Variants in GFRA2 observed in about 807,000 individuals in gnomAD.
The protein encoded by GFRA2 is GDNF family receptor alpha-2.
In GFRA2, 17 loss-of-function variants were observed where a neutral mutation model predicts 48.3. That is an observed-to-expected ratio of 0.35 (90% CI 0.24 to 0.53). GFRA2 has a LOEUF of 0.53. GFRA2 is among the 20% of genes least tolerant of loss of function. The pLI is 0.93. For missense variants in GFRA2, 660 were observed against 637.3 expected (o/e 1.04, Z -0.38); for synonymous variants, 305 against 257.2 (o/e 1.19, Z -1.78).
upstream of GFRA2, among the ~76,000 whole-genome samples, chr8:21,790,976 C>T (rs1399522298): frequency 2.6e-5 from 4 of 152,108 alleles, no homozygotes; most frequent in African/African-American, 7.2e-5. Context: ...CTCATCTCCT[C>T]GACTTCCAGG....
intron 6 of GFRA2, among the ~76,000 whole-genome samples, chr8:21,703,725 C>T (rs1023315824): frequency 6.6e-5 from 10 of 152,170 alleles, no homozygotes; most frequent in Non-Finnish European, 1.5e-4. Context: ...ACTGGCAGCC[C>T]GCTGAGCTCA....
At chr8:21,811,705 C>T (rs1012530251) in intron 1 of GFRA2, among the ~76,000 whole-genome samples, 1 of 152,142 alleles carries the variant, frequency 6.6e-6, no homozygotes, top group Non-Finnish European at 1.5e-5. Context: ...ATAGCTTCCC[C>T]TGCAAGTGAA....
At chr8:21,800,645 C>A (rs920704656) in intron 2 of GFRA2, among the ~76,000 whole-genome samples, 1 of 152,206 alleles carries the variant, frequency 6.6e-6, no homozygotes, top group African/African-American at 2.4e-5. Flanking sequence ...CAACAGGGGG[C>A]CAGCCATGGT....
intron 4 of GFRA2, among the ~76,000 whole-genome samples, chr8:21,717,850 G>A (rs896927179): frequency 6.6e-6 from 1 of 152,192 alleles, no homozygotes; most frequent in Non-Finnish European, 1.5e-5. Context: ...GCTGCTAGAA[G>A]TAGAAATCTT....
chr8:21,719,883 G>A (rs1397744120), intron 4 of GFRA2, among the ~76,000 whole-genome samples: 2 of 152,064 alleles, frequency 1.3e-5, no homozygotes, highest in South Asian at 4.2e-4. Context: ...TCCTAGACCA[G>A]TAATTTGTCC....
intron 3 of GFRA2, among the ~76,000 whole-genome samples, chr8:21,753,194 C>T (rs1805382588): frequency 6.6e-6 from 1 of 152,222 alleles, no homozygotes; most frequent in African/African-American, 2.4e-5. Context: ...ACAATTTGTG[C>T]TTTCTGAAAT....
rs1366503392 is a variant in GFRA2, at chr8:21,788,728, A to G, written c.-569T>C. 2.0e-6 allele frequency: 2 copies of G among 985,402 alleles called. No individual in the cohort carries two copies. The highest frequency in any genetic ancestry group is 3.5e-5 in the African/African-American group (2 of 57,242). 61.0% of individuals were successfully genotyped at this position (985,402 alleles called of 1,614,324 possible). A position where few individuals can be genotyped will look rare whatever the true frequency, so the allele number is the denominator to read the frequency against. On this transcript the variant is annotated 5_prime_UTR_variant, in exon 1 of 9. Transcript: ENST00000524240. ...CCAAGACGAAGACAAGATTCAAAAAAATCTTCTCCCGCTAACCCTTGCTCG... is the reference window on the plus strand; with the variant it reads ...CCAAGACGAAGACAAGATTCAAAAAGATCTTCTCCCGCTAACCCTTGCTCG...
At chr8:21,739,464 G>C (rs751174900) in intron 4 of GFRA2, among the ~76,000 whole-genome samples, 18 of 152,134 alleles carry the variant, frequency 1.2e-4, no homozygotes, top group Non-Finnish European at 2.4e-4. Context: ...CCTAATCCAG[G>C]ACCCCTTCCC....
In GFRA2 at chr8:21,788,421, T is replaced by C. The variant is rs2117095062; in HGVS notation, c.-262A>G. Reference sequence around the variant, plus strand: ...ACAATCAAATATACGCGTATCTGTGTATCGGCTTTCTAAGCCAACAGCCCA... The same window carrying C: ...ACAATCAAATATACGCGTATCTGTGCATCGGCTTTCTAAGCCAACAGCCCA... On this transcript the variant is annotated 5_prime_UTR_variant, in exon 1 of 9. In the 5' UTR this introduces an upstream ATG that the reference lacks. Transcript: ENST00000524240. The C allele has an allele frequency of 8.0e-7, 1 of 1,252,780 alleles. No homozygotes were observed. The highest frequency in any genetic ancestry group is 1.0e-6 in the Non-Finnish European group (1 of 998,702). The allele number at this position is 1,252,780 out of a possible 1,614,324, so 77.6% of individuals were successfully genotyped here. A position where few individuals can be genotyped will look rare whatever the true frequency, so the allele number is the denominator to read the frequency against.
intron 4 of GFRA2, among the ~76,000 whole-genome samples, chr8:21,708,758 T>C (rs1217205057): frequency 6.6e-6 from 1 of 152,094 alleles, no homozygotes; most frequent in East Asian, 1.9e-4. Context: ...GCTGCAGCAG[T>C]GCCTGAAACT....
At chr8:21,731,446 C>T (rs937538014) in intron 4 of GFRA2, among the ~76,000 whole-genome samples, 4 of 152,080 alleles carry the variant, frequency 2.6e-5, no homozygotes, top group African/African-American at 9.7e-5. Context: ...CCTTCATATG[C>T]CCCTTCTCTC....
intron 4 of GFRA2, among the ~76,000 whole-genome samples, chr8:21,720,708 T>A (rs1009105346): frequency 6.6e-6 from 1 of 152,176 alleles, no homozygotes; most frequent in Non-Finnish European, 1.5e-5. Context: ...CTCCTTAAAC[T>A]TCCTCCAGTT....
chr8:21,811,375 C>T lies in GFRA2; in HGVS notation c.-148+856G>A, dbSNP rs189024100. ...CCAAGCAGGAGATCCTAACATGTGA[C>T]TTTACCAGCTCTTAGGGAACTCGGG... On this transcript the variant is annotated intron_variant, in intron 1 of 10. Coordinates refer to the GFRA2 transcript ENST00000517328. Among the ~76,000 whole-genome samples, 230 of 152,318 alleles carry T rather than the reference C, an allele frequency of 1.5e-3. 1 individual carries two copies. Among genetic ancestry groups the T allele is most frequent in the African/African-American group, 5.4e-3 (226 of 41,574 alleles).
intron 4 of GFRA2, among the ~76,000 whole-genome samples, chr8:21,718,448 C>A (rs950062331): frequency 1.3e-5 from 2 of 152,178 alleles, no homozygotes; most frequent in Non-Finnish European, 2.9e-5. Context: ...AATAGACAGT[C>A]CTTACAAGGA....
At chr8:21,760,471 A>C (rs576773591) in intron 3 of GFRA2, among the ~76,000 whole-genome samples, 2 of 152,336 alleles carry the variant, frequency 1.3e-5, no homozygotes, top group East Asian at 3.9e-4. Context: ...GAAATCAAGA[A>C]AACCTCTTGG....
intron 3 of GFRA2, among the ~76,000 whole-genome samples, chr8:21,758,946 G>C (rs73669547): frequency 0.042 from 6,409 of 152,188 alleles, 417 homozygotes; most frequent in African/African-American, 0.14. Context: ...GAGCAGAACC[G>C]GAGTCCCTGC....
At chr8:21,764,566 G>A (rs1013914604) in intron 3 of GFRA2, among the ~76,000 whole-genome samples, 1 of 152,214 alleles carries the variant, frequency 6.6e-6, no homozygotes, top group African/African-American at 2.4e-5. Flanking sequence ...TGTCTCACCT[G>A]GACATCCAGC....
chr8:21,750,814 A>G lies in GFRA2; in HGVS notation c.568T>C (p.Ser190Pro). The change falls in exon 4 of 9, where the codon TCG becomes CCG. Residue 190 changes from serine to proline, a missense_variant. Ser to Pro is a moderately conservative substitution (Grantham distance 74, BLOSUM62 -1). Transcript: ENST00000524240. This position sits in a 1 kb window ranked among gnomAD's most constrained non-coding sequence, Gnocchi z 5.7. Reference sequence around the variant, plus strand: ...CGGCGGTTGCAGCGCTCGGTGGGCGAGATCTCGCGGTTGCAGATGGAGATG... The same window carrying G: ...CGGCGGTTGCAGCGCTCGGTGGGCGGGATCTCGCGGTTGCAGATGGAGATG... Reference protein sequence around the residue: ...SYISICNREISPTERCNRRKC... With the variant: ...SYISICNREIPPTERCNRRKC... The G allele has an allele frequency of 6.2e-7, 1 of 1,613,812 alleles. No homozygotes were observed. Among genetic ancestry groups the G allele is most frequent in the Non-Finnish European group, 8.5e-7 (1 of 1,179,870 alleles).
At chr8:21,737,284 G>C (rs1437642571) in intron 4 of GFRA2, among the ~76,000 whole-genome samples, 1 of 151,998 alleles carries the variant, frequency 6.6e-6, no homozygotes, top group East Asian at 1.9e-4. Flanking sequence ...CTGGAGAATC[G>C]CTTGAACCTG....
Sources: allele counts gnomAD v4.1 joint callset (sites outside exome capture counted in the v4.1 genomes callset), GRCh38; gene constraint gnomAD v4.1.1; non-coding constraint Gnocchi (gnomAD v3.1); transcripts MANE v1.5; gene names NCBI Gene and HGNC (gene_info 2026-07-23, HGNC 2026-07-21).